Variants in CCDC6 observed in about 807,000 individuals in gnomAD.
The protein encoded by CCDC6 is coiled-coil domain-containing protein 6.
In CCDC6, 20 loss-of-function variants were observed where a neutral mutation model predicts 56.6. That is an observed-to-expected ratio of 0.35 (90% CI 0.25 to 0.51). The LOEUF (loss-of-function observed/expected upper bound fraction) is 0.51. Ranked by LOEUF, CCDC6 falls within the 20% of genes least tolerant of loss-of-function variation. The pLI is 0.95. For missense variants in CCDC6, 367 were observed against 601.1 expected (o/e 0.61, Z 4.07); for synonymous variants, 241 against 234.4 (o/e 1.03, Z -0.26).
intron 2 of CCDC6, among the ~76,000 whole-genome samples, chr10:59,845,346 G>GTTTTTT (rs151236986): frequency 5.2e-5 from 5 of 96,956 alleles, no homozygotes; most frequent in African/African-American, 1.3e-4. Context: ...GCCCCTATGG[G>GTTTTTT]TTTTTTTTTT....
chr10:59,846,314 G>A (rs772752610), intron 2 of CCDC6, among the ~76,000 whole-genome samples: 3 of 152,172 alleles, frequency 2.0e-5, no homozygotes, highest in African/African-American at 7.2e-5. Context: ...CTTCTTCCCA[G>A]TTTTATTTCT....
At position 59,790,671 on chromosome 10, in the gene CCDC6, G is replaced by C; in HGVS notation, c.*2246C>G. The C allele has an allele frequency of 4.5e-6, 1 of 220,576 alleles. No individual in the cohort carries two copies. The highest frequency in any genetic ancestry group is 9.1e-6 in the Non-Finnish European group (1 of 110,452). The allele number at this position is 220,576 out of a possible 1,614,324, so 13.7% of individuals were successfully genotyped here. A position where few individuals can be genotyped will look rare whatever the true frequency, so the allele number is the denominator to read the frequency against. ...TATGTGGAAAAAGTGCTGTTTGAAG[G>C]AGCTGTGTTTTATTTCGAAGTGAAA... On this transcript the variant is annotated 3_prime_UTR_variant, in exon 9 of 9. Coordinates refer to ENST00000263102, the MANE Select transcript of CCDC6 (RefSeq NM_005436.5).
intron 5 of CCDC6, among the ~76,000 whole-genome samples, chr10:59,810,690 A>T (rs537561140): frequency 5.1e-4 from 77 of 152,268 alleles, no homozygotes; most frequent in Admixed American, 1.2e-3. Context: ...TTATATATAT[A>T]TTTTTTTAAT....
intron 3 of CCDC6, among the ~76,000 whole-genome samples, chr10:59,817,720 C>T (rs990718028): frequency 1.1e-4 from 16 of 152,138 alleles, no homozygotes; most frequent in Non-Finnish European, 1.8e-4. Context: ...GCTGTCTTTA[C>T]CCATATGTAA....
intron 8 of CCDC6, among the ~76,000 whole-genome samples, chr10:59,793,884 ATAATT>A (rs1175023348): frequency 2.6e-5 from 4 of 152,158 alleles, no homozygotes; most frequent in African/African-American, 4.8e-5. Flanking sequence ...TTAAAATATT[ATAATT>A]TATTCTTTGA....
intron 2 of CCDC6, among the ~76,000 whole-genome samples, chr10:59,838,581 T>C (rs1329746008): frequency 2.0e-5 from 3 of 152,226 alleles, no homozygotes; most frequent in East Asian, 1.9e-4. Context: ...GGTTCATGCA[T>C]GCAGCAAACA....
chr10:59,809,209 T>C (rs1304132991), intron 5 of CCDC6, among the ~76,000 whole-genome samples: 1 of 152,214 alleles, frequency 6.6e-6, no homozygotes, highest in Non-Finnish European at 1.5e-5. Flanking sequence ...TTCTTTTCCA[T>C]AATAGGACTC....
chr10:59,809,512 T>C (rs924310518), intron 5 of CCDC6, among the ~76,000 whole-genome samples: 12 of 152,106 alleles, frequency 7.9e-5, no homozygotes, highest in Non-Finnish European at 1.6e-4. Context: ...TGTCACTGAC[T>C]CACACACAGA....
intron 4 of CCDC6, among the ~76,000 whole-genome samples, chr10:59,813,249 C>A (rs1451567969): frequency 1.3e-5 from 2 of 152,144 alleles, no homozygotes; most frequent in Non-Finnish European, 2.9e-5. Context: ...CACAGAGACT[C>A]AACTTCTAAA....
rs1033744840 is a variant in CCDC6, at chr10:59,790,494, A to G, written c.*2423T>C. ...TCTTACTGATCCCTAGTAGTAAGACAATTGCCAAGAAATTGTCCTAGCAGG... is the reference window on the plus strand; with the variant it reads ...TCTTACTGATCCCTAGTAGTAAGACGATTGCCAAGAAATTGTCCTAGCAGG... On this transcript the variant is annotated 3_prime_UTR_variant, in exon 9 of 9. Transcript: ENST00000263102. The G allele has an allele frequency of 2.7e-5, 6 of 219,250 alleles. No homozygotes were observed. The East Asian group carries it at 3.4e-4, about 12-fold the overall frequency. 13.6% of individuals were successfully genotyped at this position (219,250 alleles called of 1,614,324 possible).
rs1310440194 is a variant in CCDC6, at chr10:59,790,391, C to T, written c.*2526G>A. On this transcript the variant is annotated 3_prime_UTR_variant, in exon 9 of 9. Transcript: ENST00000263102. ...AATGGCAGGAACCATGTTCAGCCCC[C>T]ATGAGAAGTGCCCGACTGAGGGAAG... 1 of 217,648 alleles carries T rather than the reference C, an allele frequency of 4.6e-6. No homozygotes were observed. Among genetic ancestry groups the T allele is most frequent in the African/African-American group, 2.3e-5 (1 of 44,354 alleles). The allele number at this position is 217,648 out of a possible 1,614,324, so 13.5% of individuals were successfully genotyped here. A position where few individuals can be genotyped will look rare whatever the true frequency, so the allele number is the denominator to read the frequency against.
At chr10:59,809,547 G>C (rs1262858859) in intron 5 of CCDC6, among the ~76,000 whole-genome samples, 1 of 152,096 alleles carries the variant, frequency 6.6e-6, no homozygotes, top group African/African-American at 2.4e-5. Flanking sequence ...GCATTCCTTG[G>C]CTGCCCCCTG....
intron 3 of CCDC6, among the ~76,000 whole-genome samples, chr10:59,826,744 C>A (rs1871638): frequency 0.5 from 76,338 of 152,038 alleles, 19,958 homozygotes; most frequent in African/African-American, 0.64. Flanking sequence ...TATGTCCATA[C>A]CTGAAGAGAC....
Position 59,790,028 on chromosome 10 carries a change from C to T in CCDC6, c.*2889G>A, listed in dbSNP as rs539511608. 41 of 215,776 alleles carry T rather than the reference C, an allele frequency of 1.9e-4. No individual in the cohort carries two copies. In the East Asian group the frequency reaches 2.4e-3, roughly 12 times the overall value. The allele number at this position is 215,776 out of a possible 1,614,324, so 13.4% of individuals were successfully genotyped here. Reference sequence around the variant, plus strand: ...AGAATTTAAAACTCCTTTCAGTCAACGAAGGAGTAAGTTCAATTAAAGGCT... The same window carrying T: ...AGAATTTAAAACTCCTTTCAGTCAATGAAGGAGTAAGTTCAATTAAAGGCT... On this transcript the variant is annotated 3_prime_UTR_variant, in exon 9 of 9. Coordinates refer to ENST00000263102, the MANE Select transcript of CCDC6 (RefSeq NM_005436.5).
chr10:59,820,761 G>A (rs2070743572), intron 3 of CCDC6, among the ~76,000 whole-genome samples: 2 of 140,094 alleles, frequency 1.4e-5, no homozygotes, highest in African/African-American at 2.7e-5. Context: ...AAAAAAGAAC[G>A]AATGAATGAA....
chr10:59,886,658 T>G (rs1189123400), intron 1 of CCDC6, among the ~76,000 whole-genome samples: 3 of 152,138 alleles, frequency 2.0e-5, no homozygotes, highest in Admixed American at 6.6e-5. Flanking sequence ...AAATAAAAAT[T>G]TTCACTGTGG....
intron 1 of CCDC6, among the ~76,000 whole-genome samples, chr10:59,871,584 T>G (rs1482153765): frequency 6.6e-6 from 1 of 151,616 alleles, no homozygotes; most frequent in Non-Finnish European, 1.5e-5. Flanking sequence ...AACAGTTTGG[T>G]TGGAGAGCCT....
At chr10:59,889,750 C>A (rs948876752) in intron 1 of CCDC6, among the ~76,000 whole-genome samples, 2 of 152,184 alleles carry the variant, frequency 1.3e-5, no homozygotes, top group Admixed American at 1.3e-4. Context: ...CTTTCTCCAA[C>A]TTGGGCAGCA....
chr10:59,839,033 C>T lies in CCDC6; in HGVS notation c.454-6380G>A, dbSNP rs144885215. Among the ~76,000 whole-genome samples the T allele has an allele frequency of 4.3e-4, 66 of 152,340 alleles. No homozygotes were observed. The East Asian group carries it at 0.011, about 25-fold the overall frequency. On this transcript the variant is annotated intron_variant, in intron 2 of 8. Coordinates refer to ENST00000263102, the MANE Select transcript of CCDC6 (RefSeq NM_005436.5). The stretch of plus-strand genomic sequence containing the variant: ...CAGCTACTTCTAAAGGCAGCTAATG[C>T]TTCAGGGCGATTACTACGTCTCAAG...
Sources: allele counts gnomAD v4.1 joint callset (sites outside exome capture counted in the v4.1 genomes callset), GRCh38; gene constraint gnomAD v4.1.1; transcripts MANE v1.5; gene names NCBI Gene and HGNC (gene_info 2026-07-23, HGNC 2026-07-21).